PAFAH2: variants seen among roughly 807,000 people sequenced by gnomAD.
PAFAH2 encodes platelet activating factor acetylhydrolase 2, also known as platelet-activating factor acetylhydrolase 2, cytoplasmic.
In PAFAH2, 42 loss-of-function variants were observed where a neutral mutation model predicts 49.0. The ratio of observed to expected loss-of-function variants is 0.86; its 90% CI spans 0.67 to 1.11. The LOEUF is 1.11. Among genes scored for constraint, PAFAH2 ranks in the 50% least tolerant of loss-of-function variants. The probability of loss-of-function intolerance (pLI) is 0.00; values close to 1 mark genes in which losing one functional copy is unlikely to be tolerated. For missense variants in PAFAH2, 503 were observed against 501.8 expected (o/e 1.00, Z -0.02); for synonymous variants, 184 against 181.3 (o/e 1.01, Z -0.12).
At chr1:25,974,316 A>G (rs953959915) in intron 9 of PAFAH2, among the ~76,000 whole-genome samples, 164 bp downstream of exon 9, 1 of 152,326 alleles carries the variant, frequency 6.6e-6, no homozygotes, top group Middle Eastern at 3.4e-3. Flanking sequence ...AGTGGAGAAG[A>G]AGGACAGACA....
At chr1:25,967,751 G>A (rs1213648260) in intron 10 of PAFAH2, among the ~76,000 whole-genome samples, 1 of 152,324 alleles carries the variant, frequency 6.6e-6, no homozygotes, top group East Asian at 1.9e-4. Flanking sequence ...GTTTTGCTGT[G>A]ATGGGGAACA....
rs2049841591 is a variant in PAFAH2 at position 25,989,488 on chromosome 1, A to C, written c.204T>G (p.Phe68Leu). 1 of 1,611,182 alleles carries C rather than the reference A, an allele frequency of 6.2e-7. No homozygotes were observed. Among genetic ancestry groups the C allele is most frequent in the Non-Finnish European group, 8.5e-7 (1 of 1,178,478 alleles). ...ACAGCAAGCCCCCGCAGCGCTTATTAAACTGCAGGTACTCGGCCAGGCCAG... is the reference window on the plus strand; with the variant it reads ...ACAGCAAGCCCCCGCAGCGCTTATTCAACTGCAGGTACTCGGCCAGGCCAG... ...YCTGLAEYLQ[F>L]NKRCGGLLFN... The change falls in exon 3 of 11, where the codon TTT becomes TTG. Residue 68 changes from phenylalanine to leucine, a missense_variant. Physicochemically the swap from Phe to Leu is conservative, Grantham distance 22 (BLOSUM62 0). Coordinates refer to ENST00000374282, the MANE Select transcript of PAFAH2 (RefSeq NM_000437.4).
chr1:25,967,953 G>C (rs2049451536), intron 10 of PAFAH2, among the ~76,000 whole-genome samples: 1 of 152,092 alleles, frequency 6.6e-6, no homozygotes, highest in African/African-American at 2.4e-5. Flanking sequence ...ATGACTTGAG[G>C]TCAAGAGTTT....
intron 7 of PAFAH2, among the ~76,000 whole-genome samples, chr1:25,980,611 T>TTTTATATATATATATA (rs369555868): frequency 3.0e-4 from 22 of 74,200 alleles, no homozygotes; most frequent in African/African-American, 6.6e-4. Context: ...TGGGCCATAT[T>TTTTATATATATATATA]TATATATATA....
intron 1 of PAFAH2, among the ~76,000 whole-genome samples, chr1:25,996,297 G>A (rs925138207): frequency 2.0e-5 from 3 of 152,146 alleles, no homozygotes; most frequent in Admixed American, 6.5e-5. Context: ...CTTGGGAGCC[G>A]GAGGCCACAG....
chr1:25,963,283 C>T (rs1271633717), intron 10 of PAFAH2, among the ~76,000 whole-genome samples: 4 of 152,208 alleles, frequency 2.6e-5, no homozygotes, highest in Non-Finnish European at 5.9e-5. Flanking sequence ...GTGCCACACT[C>T]TGTTCTTTGA....
intron 1 of PAFAH2, 68 bp from the exon 2 acceptor site, chr1:25,990,931 G>A (rs2049863789): frequency 1.3e-6 from 1 of 764,646 alleles, no homozygotes; most frequent in East Asian, 2.7e-5. Flanking sequence ...GCTGAAATGT[G>A]TTATCTGTTA....
At chr1:25,963,041 C>T (rs994671114) in intron 10 of PAFAH2, among the ~76,000 whole-genome samples, 1 of 152,084 alleles carries the variant, frequency 6.6e-6, no homozygotes, top group African/African-American at 2.4e-5. Flanking sequence ...GGTAACTACA[C>T]GGCAAGAACA....
At chr1:25,994,936 C>T (rs938635437) in intron 1 of PAFAH2, among the ~76,000 whole-genome samples, 1 of 152,182 alleles carries the variant, frequency 6.6e-6, no homozygotes, top group Non-Finnish European at 1.5e-5. Flanking sequence ...ATCTTTATTT[C>T]CTGGACTCAC....
intron 10 of PAFAH2, among the ~76,000 whole-genome samples, chr1:25,965,733 ACT>A (rs2049409575): frequency 6.8e-6 from 1 of 146,558 alleles, no homozygotes; most frequent in Non-Finnish European, 1.5e-5. Flanking sequence ...TAGGAGAATC[ACT>A]TGAACCTGGG....
intron 2 of PAFAH2, 40 bp downstream of exon 2, chr1:25,990,687 A>T (rs774159932): frequency 6.7e-7 from 1 of 1,492,984 alleles, no homozygotes; most frequent in Non-Finnish European, 9.3e-7. Flanking sequence ...GTGCCGGCAG[A>T]AGCAGTGCAA....
intron 10 of PAFAH2, among the ~76,000 whole-genome samples, chr1:25,965,478 A>G (rs571516095): frequency 2.9e-4 from 44 of 152,328 alleles, no homozygotes; most frequent in African/African-American, 1.0e-3. Flanking sequence ...AATGGAAGAA[A>G]ATATTTCTGA....
intron 2 of PAFAH2, 90 bp from the exon 3 acceptor site, chr1:25,989,691 C>A (rs2049846071): frequency 9.5e-7 from 1 of 1,052,010 alleles, no homozygotes; most frequent in Admixed American, 4.1e-5. Context: ...GGGGCACCAG[C>A]AAAACAGGGC....
intron 6 of PAFAH2, 119 bp from the exon 7 acceptor site, chr1:25,982,596 A>G: frequency 1.4e-6 from 1 of 724,464 alleles, no homozygotes; most frequent in Non-Finnish European, 2.3e-6. Context: ...CGCCTCAGCA[A>G]GCACCTTGGG....
rs68030738 is a variant in PAFAH2, at chr1:25,979,319, C to CTTTTTTTTTTTTTTTTTT, written c.667-2547_667-2546insAAAAAAAAAAAAAAAAAA. ...ACTGTAGCCTGCCATTTACCAATGC[C>CTTTTTTTTTTTTTTTTTT]TTTTTTTTTTTTTTTTGAGATAGTC... On this transcript the variant is annotated intron_variant, in intron 7 of 10. Transcript: ENST00000374282. Among the ~76,000 whole-genome samples the CTTTTTTTTTTTTTTTTTT allele has an allele frequency of 4.8e-5, 3 of 62,156 alleles. 1 individual carries two copies. The highest frequency in any genetic ancestry group is 3.9e-5 in the Non-Finnish European group (1 of 25,746). 40.8% of individuals were successfully genotyped at this position (62,156 alleles called of 152,430 possible). A position where few individuals can be genotyped will look rare whatever the true frequency, so the allele number is the denominator to read the frequency against.
intron 10 of PAFAH2, among the ~76,000 whole-genome samples, chr1:25,965,553 C>T (rs148315323): frequency 5.9e-4 from 90 of 152,202 alleles, no homozygotes; most frequent in Admixed American, 1.8e-3. Context: ...TGGTGGCTCA[C>T]GCCTGTAACG....
intron 2 of PAFAH2, 53 bp from the exon 3 acceptor site, chr1:25,989,654 C>CCTGGCTAGA: frequency 7.3e-7 from 1 of 1,372,842 alleles, no homozygotes; most frequent in South Asian, 1.8e-5. Flanking sequence ...GGCTAGATTT[C>CCTGGCTAGA]CCAACAGCCA....
rs776556671 is a variant in PAFAH2 at position 25,989,550 on chromosome 1, C to T, written c.142G>A (p.Glu48Lys). Reference protein sequence around the residue: ...YPCQKAEETMEQPLWIPRYEY... With the variant: ...YPCQKAEETMKQPLWIPRYEY... ...TAGCGGGGAATCCACAGGGGCTGCT[C>T]CATGGTCTCCTCTGCCTTTTGGCAG... The change falls in exon 3 of 11, where the codon GAG becomes AAG. Residue 48 changes from glutamate (E) to lysine (K), a missense_variant. Transcript: ENST00000374282. 2 of 1,612,206 alleles carry T rather than the reference C, an allele frequency of 1.2e-6. No homozygotes were observed. The highest frequency in any genetic ancestry group is 2.2e-5 in the South Asian group (2 of 90,634).
chr1:25,993,493 GGTT>G (rs2049901644), intron 1 of PAFAH2, among the ~76,000 whole-genome samples: 1 of 152,130 alleles, frequency 6.6e-6, no homozygotes, highest in Non-Finnish European at 1.5e-5. Flanking sequence ...ACAGTCTCCT[GGTT>G]GTCAGCTGCC....
Sources: gnomAD v4.1 joint callset for allele counts (sites outside exome capture counted in the v4.1 genomes callset) on GRCh38, gnomAD v4.1.1 for gene constraint, MANE v1.5 for transcripts, NCBI Gene and HGNC (gene_info 2026-07-23, HGNC 2026-07-21) for gene names.